FBXO25: variants seen among roughly 807,000 people sequenced by gnomAD.
FBXO25 encodes F-box only protein 25.
FBXO25 carries 45 observed loss-of-function variants against 51.9 expected under a neutral mutation model. The ratio of observed to expected loss-of-function variants is 0.87; its 90% CI spans 0.68 to 1.11. The LOEUF (loss-of-function observed/expected upper bound fraction) is 1.11. Ranked by LOEUF, FBXO25 falls within the 50% of genes most tolerant of loss-of-function variation. The pLI is 0.00. For missense variants in FBXO25, 507 were observed against 428.5 expected (o/e 1.18, Z -1.62); for synonymous variants, 199 against 151.0 (o/e 1.32, Z -2.33).
intron 2 of FBXO25, among the ~76,000 whole-genome samples, chr8:427,846 G>C (rs7813883): frequency 0.32 from 46,282 of 143,674 alleles, 9,065 homozygotes; most frequent in African/African-American, 0.5. Flanking sequence ...GAGGCTTACC[G>C]TAGCCTGTCT....
intron 2 of FBXO25, among the ~76,000 whole-genome samples, chr8:429,601 T>C (rs1797695837): frequency 6.6e-6 from 1 of 152,254 alleles, no homozygotes; most frequent in South Asian, 2.1e-4. Context: ...AGCATTCATC[T>C]TTCTTCTCTA....
intron 5 of FBXO25, among the ~76,000 whole-genome samples, chr8:437,285 A>G (rs1355510721): frequency 2.0e-5 from 3 of 152,172 alleles, no homozygotes; most frequent in African/African-American, 7.2e-5. Flanking sequence ...TTACTTTGCA[A>G]CCCTCTTGAG....
chr8:476,809 C>G lies in FBXO25; in HGVS notation c.*8005C>G, dbSNP rs1357523803. 1 of 143,716 alleles carries G rather than the reference C, an allele frequency of 7.0e-6. No individual in the cohort carries two copies. Among genetic ancestry groups the G allele is most frequent in the Non-Finnish European group, 1.5e-5 (1 of 66,882 alleles). The allele number at this position is 143,716 out of a possible 1,614,324, so 8.9% of individuals were successfully genotyped here. On this transcript the variant is annotated 3_prime_UTR_variant, in exon 10 of 10. Transcript: ENST00000350302. ...TTCTCTATTTTGTCTCTGCTCTAATCTTTATTATTATTATAATCATCTCCA... is the reference window on the plus strand; with the variant it reads ...TTCTCTATTTTGTCTCTGCTCTAATGTTTATTATTATTATAATCATCTCCA...
At chr8:455,058 G>C (rs1799340183) in intron 7 of FBXO25, among the ~76,000 whole-genome samples, 1 of 152,108 alleles carries the variant, frequency 6.6e-6, no homozygotes, top group South Asian at 2.1e-4. Flanking sequence ...AAGTAAACTG[G>C]CTAACGAAAT....
chr8:468,655 C>A, intron 9 of FBXO25, 60 bp from the exon 10 acceptor site: 1 of 1,344,562 alleles, frequency 7.4e-7, no homozygotes, highest in Non-Finnish European at 1.1e-6. Flanking sequence ...CCTCAAGCAC[C>A]ATCACTAGAG....
rs1170073980 is a variant in FBXO25, at chr8:413,137, G to T, written c.58G>T (p.Asp20Tyr). Residue 20 changes from aspartate (D) to tyrosine (Y), a missense_variant, in exon 2 of 10, where the codon GAT (aspartate) becomes TAT (tyrosine). By Grantham distance (160) the Asp-to-Tyr change is radical (BLOSUM62 -3). Coordinates refer to ENST00000350302, the MANE Select transcript of FBXO25 (RefSeq NM_183420.2). ...SPGWSWIKTE[D>Y]GWKRCESCSQ... ...TGGATGGAGTTGGATTAAGACAGAA[G>T]ATGGCTGGAAGAGATGTGAATCTTG... The T allele has an allele frequency of 1.9e-6, 3 of 1,610,882 alleles. No individual in the cohort carries two copies. Among genetic ancestry groups the T allele is most frequent in the Non-Finnish European group, 2.5e-6 (3 of 1,178,578 alleles).
intron 6 of FBXO25, 147 bp from the exon 7 acceptor site, chr8:451,121 TA>T (rs1799057602): frequency 1.6e-6 from 1 of 627,974 alleles, no homozygotes; most frequent in Non-Finnish European, 2.6e-6. Context: ...CCCTCCTTTT[TA>T]GGGCTGAATA....
intron 5 of FBXO25, among the ~76,000 whole-genome samples, chr8:445,236 C>A (rs1293589442): frequency 6.6e-6 from 1 of 152,158 alleles, no homozygotes; most frequent in Non-Finnish European, 1.5e-5. Context: ...CTAAGCTAAT[C>A]CCTTGCCTTC....
Position 477,182 on chromosome 8 carries a change from C to T in FBXO25, c.*8378C>T, listed in dbSNP as rs1486088208. ...TCCTCAGTCTTTTGAAATTTGTTGA[C>T]TTGTTTAGTCATCTAACATACTGTC... On this transcript the variant is annotated 3_prime_UTR_variant, in exon 10 of 10. Coordinates refer to ENST00000350302, the MANE Select transcript of FBXO25 (RefSeq NM_183420.2). 2 of 152,172 alleles carry T rather than the reference C, an allele frequency of 1.3e-5. No individual in the cohort carries two copies. The highest frequency in any genetic ancestry group is 4.8e-5 in the African/African-American group (2 of 41,430). The allele number at this position is 152,172 out of a possible 1,614,324, so 9.4% of individuals were successfully genotyped here.
Position 469,085 on chromosome 8 carries a change from A to C in FBXO25, c.*281A>C. The C allele has an allele frequency of 3.2e-6, 1 of 310,580 alleles. No individual in the cohort carries two copies. Among genetic ancestry groups the C allele is most frequent in the Non-Finnish European group, 5.8e-6 (1 of 171,558 alleles). 19.2% of individuals were successfully genotyped at this position (310,580 alleles called of 1,614,324 possible). A position where few individuals can be genotyped will look rare whatever the true frequency, so the allele number is the denominator to read the frequency against. ...CTCTCTCTATATATATAGTTCAAAA[A>C]TACTTTAGGTGGTCAGCTCCACATT... is the stretch of plus-strand genomic sequence containing the variant. On this transcript the variant is annotated 3_prime_UTR_variant, in exon 10 of 10. Transcript: ENST00000350302.
chr8:438,986 A>G (rs1798258967), intron 5 of FBXO25, among the ~76,000 whole-genome samples: 1 of 152,166 alleles, frequency 6.6e-6, no homozygotes, highest in South Asian at 2.1e-4. Flanking sequence ...GCTGAAAACA[A>G]CACCCCCTTT....
intron 5 of FBXO25, among the ~76,000 whole-genome samples, chr8:443,367 C>T (rs1563082630): frequency 6.6e-6 from 1 of 151,038 alleles, no homozygotes; most frequent in Non-Finnish European, 1.5e-5. Context: ...ATCCTACCAA[C>T]AAGATAATTT....
intron 1 of FBXO25, among the ~76,000 whole-genome samples, chr8:408,736 C>T (rs927505868): frequency 6.6e-6 from 1 of 152,106 alleles, no homozygotes; most frequent in Non-Finnish European, 1.5e-5. Flanking sequence ...TCATGAAGTC[C>T]TTTTCTACTG....
intron 1 of FBXO25, among the ~76,000 whole-genome samples, chr8:412,809 A>T (rs1563059256): frequency 6.6e-6 from 1 of 152,174 alleles, no homozygotes; most frequent in Non-Finnish European, 1.5e-5. Flanking sequence ...TTTTTCAGGT[A>T]TGAGCTAGAA....
chr8:428,641 C>G (rs573147887), intron 2 of FBXO25, among the ~76,000 whole-genome samples: 14 of 152,332 alleles, frequency 9.2e-5, no homozygotes, highest in Admixed American at 6.5e-4. Flanking sequence ...CCATCCATCT[C>G]TAGAACTTTT....
intron 2 of FBXO25, among the ~76,000 whole-genome samples, chr8:421,996 G>C: frequency 6.6e-6 from 1 of 152,212 alleles, no homozygotes. Context: ...ATAAGGAACA[G>C]TTCTTCCTTG....
rs570459335 is a variant in FBXO25 at position 458,206 on chromosome 8, C to T, written c.661-163C>T. ...TGCTCTCCTCCTCCAGCCTTCCCCACGGTGGTGGATGCAGGCCCCTTGACA... is the reference window on the plus strand; with the variant it reads ...TGCTCTCCTCCTCCAGCCTTCCCCATGGTGGTGGATGCAGGCCCCTTGACA... On this transcript the variant is annotated intron_variant, in intron 7 of 9. Transcript: ENST00000350302. 1.4e-4 allele frequency among the ~76,000 whole-genome samples: 21 copies of T among 152,332 alleles called. No individual in the cohort carries two copies. In the East Asian group the frequency reaches 2.7e-3, roughly 20 times the overall value.
In FBXO25 at chr8:477,352, C is replaced by T. The variant is rs1800675462; in HGVS notation, c.*8548C>T. 6.6e-6 allele frequency: 1 copy of T among 152,212 alleles called. No individual in the cohort carries two copies. The highest frequency in any genetic ancestry group is 1.5e-5 in the Non-Finnish European group (1 of 68,052). 9.4% of individuals were successfully genotyped at this position (152,212 alleles called of 1,614,324 possible). A position where few individuals can be genotyped will look rare whatever the true frequency, so the allele number is the denominator to read the frequency against. ...TGTCCTATCCGTTACTGAAAGTGGG[C>T]TACTGCAGTCTCCTACTCTTACTGT... On this transcript the variant is annotated 3_prime_UTR_variant, in exon 10 of 10. Transcript: ENST00000350302.
intron 5 of FBXO25, among the ~76,000 whole-genome samples, chr8:442,259 A>T (rs908445297): frequency 4.0e-5 from 6 of 151,060 alleles, no homozygotes; most frequent in African/African-American, 1.5e-4. Flanking sequence ...ACTATTGTAT[A>T]CATAAATGTT....
Sources: gnomAD v4.1 joint callset for allele counts (sites outside exome capture counted in the v4.1 genomes callset) on GRCh38, gnomAD v4.1.1 for gene constraint, MANE v1.5 for transcripts, NCBI Gene and HGNC (gene_info 2026-07-23, HGNC 2026-07-21) for gene names.